PPFIA2: variants seen among roughly 807,000 people sequenced by gnomAD.
PPFIA2 encodes liprin-alpha-2.
PPFIA2 carries 46 observed loss-of-function variants against 175.5 expected under a neutral mutation model. The ratio of observed to expected loss-of-function variants is 0.26; its 90% CI spans 0.21 to 0.34. The LOEUF is 0.34. Among genes scored for constraint, PPFIA2 ranks in the 10% least tolerant of loss-of-function variants. The pLI is 1.00. For synonymous variants in PPFIA2, 568 were observed against 511.4 expected (o/e 1.11, Z -1.49); for missense variants, 1,179 against 1,506.1 (o/e 0.78, Z 3.60).
intron 3 of PPFIA2, among the ~76,000 whole-genome samples, chr12:81,726,822 G>A (rs937108782): frequency 3.3e-5 from 5 of 151,204 alleles, no homozygotes; most frequent in African/African-American, 9.7e-5. Context: ...CTTAGCTTTG[G>A]CCAACAGAAT....
chr12:81,466,144 C>A (rs918797450), intron 4 of PPFIA2, among the ~76,000 whole-genome samples: 1 of 152,104 alleles, frequency 6.6e-6, no homozygotes, highest in Admixed American at 6.6e-5. Flanking sequence ...AGAATTTTCA[C>A]AAAAATCATT....
chr12:81,398,138 GA>G (rs903742813), intron 8 of PPFIA2, among the ~76,000 whole-genome samples: 1 of 152,028 alleles, frequency 6.6e-6, no homozygotes, highest in African/African-American at 2.4e-5. Flanking sequence ...CCAGTTGGTG[GA>G]AAAATTGTCT....
chr12:81,488,229 G>A (rs1310437465), intron 4 of PPFIA2, among the ~76,000 whole-genome samples: 1 of 151,650 alleles, frequency 6.6e-6, no homozygotes, highest in Non-Finnish European at 1.5e-5. Context: ...ATACAGAATA[G>A]GACCATAATA....
intron 5 of PPFIA2, among the ~76,000 whole-genome samples, chr12:81,449,732 G>A (rs981125791): frequency 1.3e-5 from 2 of 151,796 alleles, no homozygotes; most frequent in Non-Finnish European, 2.9e-5. Flanking sequence ...TTGGTGTGCT[G>A]CACCCATTAA....
At chr12:81,524,151 G>T (rs1278970502) in intron 4 of PPFIA2, among the ~76,000 whole-genome samples, 3 of 152,144 alleles carry the variant, frequency 2.0e-5, no homozygotes, top group South Asian at 4.1e-4. Context: ...TGAGGGTGGG[G>T]TCACTTCAGA....
chr12:81,374,730 C>T lies in PPFIA2; in HGVS notation c.1170G>A (p.Glu390=), dbSNP rs756934346. The change falls in exon 11 of 33, where the codon GAG becomes GAA. Residue 390 remains glutamate (E), a synonymous_variant. Transcript: ENST00000549396. ...EKNRQLQERL[E]LAEQKLQQTM... ...TCTGCTGCAACTTTTGTTCAGCTAG[C>T]TCAAGACGTTCTTGTAACTGTCTGT... The T allele has an allele frequency of 6.2e-7, 1 of 1,613,206 alleles. No homozygotes were observed. The highest frequency in any genetic ancestry group is 2.2e-5 in the East Asian group (1 of 44,784).
At chr12:81,415,921 C>A (rs1002846973) in intron 7 of PPFIA2, among the ~76,000 whole-genome samples, 7 of 151,456 alleles carry the variant, frequency 4.6e-5, no homozygotes, top group African/African-American at 1.7e-4. Flanking sequence ...TCAGTCAATA[C>A]ATTTTCTGAT....
chr12:81,466,107 T>C (rs80110271), intron 4 of PPFIA2, among the ~76,000 whole-genome samples: 14,918 of 152,162 alleles, frequency 0.098, 857 homozygotes, highest in Middle Eastern at 0.16. Flanking sequence ...GCATAACTAA[T>C]GTAATGTGAC....
At chr12:81,493,466 T>C (rs1327634198) in intron 4 of PPFIA2, among the ~76,000 whole-genome samples, 1 of 151,806 alleles carries the variant, frequency 6.6e-6, no homozygotes, top group Admixed American at 6.6e-5. Flanking sequence ...GCCTGGAACA[T>C]GTTACAAGGA....
At chr12:81,529,514 G>A (rs997834389) in intron 4 of PPFIA2, among the ~76,000 whole-genome samples, 2 of 151,096 alleles carry the variant, frequency 1.3e-5, no homozygotes, top group Non-Finnish European at 3.0e-5. Flanking sequence ...AATAGAGAGA[G>A]AGAGACACAC....
chr12:81,372,982 GA>G (rs1340945833), intron 11 of PPFIA2, among the ~76,000 whole-genome samples: 1 of 151,408 alleles, frequency 6.6e-6, no homozygotes. Context: ...AAGATAAGAG[GA>G]AAAAATATAA....
rs2057647960 is a variant in PPFIA2, at chr12:81,339,282, T to C, written c.2446A>G (p.Ser816Gly). 6.2e-7 allele frequency: 1 copy of C among 1,610,630 alleles called. No homozygotes were observed. The highest frequency in any genetic ancestry group is 1.3e-5 in the African/African-American group (1 of 74,870). Reference protein sequence around the residue: ...PESLGLGSANSSQDSLHKAPK... With the variant: ...PESLGLGSANGSQDSLHKAPK... ...GCTTTGTGAAGAGAGTCTTGGCTGC[T>C]GTTGGCACTACCAAGCCCGAGGCTT... Residue 816 changes from serine (S) to glycine (G), a missense_variant, in exon 21 of 33, where the codon AGC becomes GGC. Physicochemically the swap from Ser to Gly is moderately conservative, Grantham distance 56. Coordinates refer to ENST00000549396, the MANE Select transcript of PPFIA2 (RefSeq NM_003625.5).
intron 3 of PPFIA2, among the ~76,000 whole-genome samples, chr12:81,743,467 T>C (rs1286020351): frequency 4.2e-5 from 2 of 48,006 alleles, no homozygotes; most frequent in Admixed American, 2.1e-4. Context: ...AAGGGAAAGA[T>C]AAATGGTGGG....
chr12:81,362,877 A>T (rs1317833242), intron 14 of PPFIA2, 93 bp from the exon 15 acceptor site: 1 of 728,190 alleles, frequency 1.4e-6, no homozygotes, highest in African/African-American at 1.8e-5. Flanking sequence ...AAAAGGAAAA[A>T]CTGAGGATAT....
At chr12:81,720,947 A>G (rs936341087) in intron 3 of PPFIA2, among the ~76,000 whole-genome samples, 1 of 151,230 alleles carries the variant, frequency 6.6e-6, no homozygotes, top group African/African-American at 2.4e-5. Flanking sequence ...TTAAATTGAA[A>G]TGTTTGAAAT....
chr12:81,468,009 C>T lies in PPFIA2; in HGVS notation c.304-10143G>A, dbSNP rs766266559. ...TACTAGAATGAGAAGGAGACAAACC[C>T]AACGGCTTAGAACCAAGACTGAAGT... On this transcript the variant is annotated intron_variant, in intron 4 of 32. Coordinates refer to ENST00000549396, the MANE Select transcript of PPFIA2 (RefSeq NM_003625.5). Among the ~76,000 whole-genome samples the T allele has an allele frequency of 7.9e-5, 12 of 152,294 alleles. No individual in the cohort carries two copies. The East Asian group carries it at 2.3e-3, about 29-fold the overall frequency.
At chr12:81,365,750 G>C (rs370277899) in intron 14 of PPFIA2, among the ~76,000 whole-genome samples, 3 of 151,560 alleles carry the variant, frequency 2.0e-5, no homozygotes, top group African/African-American at 7.3e-5. Context: ...TGTTGTTTTT[G>C]TGAACTACCT....
At chr12:81,531,795 G>A (rs1352596112) in intron 4 of PPFIA2, among the ~76,000 whole-genome samples, 1 of 151,616 alleles carries the variant, frequency 6.6e-6, no homozygotes, top group Non-Finnish European at 1.5e-5. Flanking sequence ...CCCTTGACTG[G>A]AGAAGGACTG....
At chr12:81,515,165 C>G (rs2062259754) in intron 4 of PPFIA2, among the ~76,000 whole-genome samples, 1 of 151,878 alleles carries the variant, frequency 6.6e-6, no homozygotes, top group Non-Finnish European at 1.5e-5. Context: ...TAAAATTATA[C>G]TTTATTTATA....
Sources: allele counts gnomAD v4.1 joint callset (sites outside exome capture counted in the v4.1 genomes callset), GRCh38; gene constraint gnomAD v4.1.1; transcripts MANE v1.5; gene names NCBI Gene and HGNC (gene_info 2026-07-23, HGNC 2026-07-21).